Variants in EEPD1 observed in about 807,000 individuals in gnomAD.
EEPD1 encodes the protein endonuclease/exonuclease/phosphatase family domain-containing protein 1.
Under a neutral mutation model 46.3 loss-of-function variants are expected in EEPD1, and 17 were observed. The ratio of observed to expected loss-of-function variants is 0.37; its 90% CI spans 0.25 to 0.55. The LOEUF is 0.55. Ranked by LOEUF, EEPD1 falls within the 20% of genes least tolerant of loss-of-function variation. EEPD1 has a pLI of 0.83. For synonymous variants in EEPD1, 313 were observed against 315.6 expected, an observed-to-expected ratio of 0.99 and a Z score of 0.09; for missense variants, 673 against 745.6, an observed-to-expected ratio of 0.90 and a Z score of 1.13.
At chr7:36,200,362 T>C (rs1235570687) in intron 2 of EEPD1, among the ~76,000 whole-genome samples, 2 of 152,240 alleles carry the variant, frequency 1.3e-5, no homozygotes, top group Non-Finnish European at 2.9e-5. Context: ...ACCACATTTT[T>C]CTTTATTCAA....
intron 2 of EEPD1, among the ~76,000 whole-genome samples, chr7:36,237,907 C>T (rs916465623): frequency 2.0e-5 from 3 of 152,146 alleles, no homozygotes; most frequent in African/African-American, 7.2e-5. Context: ...GCCAAGATCA[C>T]TCCACTGCAT....
chr7:36,240,167 G>A (rs920479701), intron 3 of EEPD1, among the ~76,000 whole-genome samples: 5 of 152,142 alleles, frequency 3.3e-5, no homozygotes, highest in Non-Finnish European at 7.3e-5. Flanking sequence ...TCCGCAGGAG[G>A]CTGAGGCAGG....
At chr7:36,236,846 C>T (rs1786454914) in intron 2 of EEPD1, among the ~76,000 whole-genome samples, 1 of 152,198 alleles carries the variant, frequency 6.6e-6, no homozygotes, top group African/African-American at 2.4e-5. Flanking sequence ...CCAGTCAGCT[C>T]TTTGTAAAAT....
intron 3 of EEPD1, among the ~76,000 whole-genome samples, chr7:36,261,013 G>A (rs1786913626): frequency 6.6e-6 from 1 of 152,148 alleles, no homozygotes. Flanking sequence ...TTTTATATCA[G>A]GGACTTGAGC....
intron 2 of EEPD1, among the ~76,000 whole-genome samples, chr7:36,226,802 T>C (rs145572139): frequency 1.3e-5 from 2 of 152,228 alleles, no homozygotes; most frequent in Non-Finnish European, 2.9e-5. Context: ...ATAATGAAAT[T>C]TGAAACAAGG....
At chr7:36,202,150 C>T (rs528190786) in intron 2 of EEPD1, among the ~76,000 whole-genome samples, 1 of 152,314 alleles carries the variant, frequency 6.6e-6, no homozygotes, top group Admixed American at 6.5e-5. Context: ...CTTGCCTTCT[C>T]ATCGTGTGCC....
At position 36,170,566 on chromosome 7, in the gene EEPD1, CTTTT is replaced by C. The variant is rs58354576; in HGVS notation, c.878+15377_878+15380del. Among the ~76,000 whole-genome samples, 1,107 of 142,090 alleles carry C rather than the reference CTTTT, an allele frequency of 7.8e-3. 13 individuals are homozygous for C. The highest frequency in any genetic ancestry group is 0.024 in the African/African-American group (950 of 38,790). 93.2% of individuals were successfully genotyped at this position (142,090 alleles called of 152,430 possible). ...CTCTTTGGTTTCATGTTAAAAGTGT[CTTTT>C]TTTTTTTTTTTTCAGAGCTCCCCTC... On this transcript the variant is annotated intron_variant, in intron 2 of 7. Coordinates refer to ENST00000242108, the MANE Select transcript of EEPD1 (RefSeq NM_030636.3).
chr7:36,181,764 C>G (rs1785271866), intron 2 of EEPD1, among the ~76,000 whole-genome samples: 1 of 152,178 alleles, frequency 6.6e-6, no homozygotes, highest in Non-Finnish European at 1.5e-5. Context: ...TCAAGGCTCC[C>G]TTTTTCATGG....
At chr7:36,212,603 A>G (rs541453438) in intron 2 of EEPD1, among the ~76,000 whole-genome samples, 1 of 127,696 alleles carries the variant, frequency 7.8e-6, no homozygotes, top group South Asian at 2.5e-4. Context: ...TGGCCAAAGG[A>G]AGTCACATGG....
At chr7:36,249,663 A>G (rs999749332) in intron 3 of EEPD1, among the ~76,000 whole-genome samples, 4 of 152,228 alleles carry the variant, frequency 2.6e-5, no homozygotes, top group African/African-American at 9.6e-5. Context: ...TACTGCGGTT[A>G]CAACTCTGTA....
intron 2 of EEPD1, among the ~76,000 whole-genome samples, chr7:36,167,430 G>A (rs1217689691): frequency 6.6e-6 from 1 of 152,138 alleles, no homozygotes; most frequent in East Asian, 1.9e-4. Context: ...GCTCTGCCAA[G>A]GGGAATGGCT....
At chr7:36,179,417 A>G (rs1336512214) in intron 2 of EEPD1, among the ~76,000 whole-genome samples, 1 of 152,146 alleles carries the variant, frequency 6.6e-6, no homozygotes, top group East Asian at 1.9e-4. Flanking sequence ...GTTGTGATGC[A>G]TTATTTTAAA....
intron 2 of EEPD1, among the ~76,000 whole-genome samples, chr7:36,188,897 G>C (rs930227470): frequency 6.6e-6 from 1 of 152,176 alleles, no homozygotes; most frequent in Non-Finnish European, 1.5e-5. Context: ...TTTAAGTATT[G>C]CTGTGGGTTG....
intron 2 of EEPD1, among the ~76,000 whole-genome samples, chr7:36,224,012 G>A (rs567917475): frequency 2.0e-5 from 3 of 152,224 alleles, no homozygotes; most frequent in Admixed American, 6.5e-5. Flanking sequence ...AAATTTTCCA[G>A]GAATAAAATT....
At chr7:36,158,113 T>A (rs935432056) in intron 2 of EEPD1, among the ~76,000 whole-genome samples, 5 of 152,192 alleles carry the variant, frequency 3.3e-5, no homozygotes, top group Non-Finnish European at 7.3e-5. Flanking sequence ...ACACTGACTT[T>A]TATTAATGAT....
chr7:36,250,409 G>A (rs1223847795), intron 3 of EEPD1, among the ~76,000 whole-genome samples: 1 of 152,142 alleles, frequency 6.6e-6, no homozygotes, highest in Non-Finnish European at 1.5e-5. Context: ...GCATGGAGAT[G>A]GAGCTGCCCT....
intron 4 of EEPD1, 106 bp from the exon 5 acceptor site, chr7:36,284,580 C>G: frequency 7.2e-7 from 1 of 1,388,706 alleles, no homozygotes; most frequent in Non-Finnish European, 9.6e-7. Context: ...ACAGCTTGAG[C>G]CAGAGTAGGG....
intron 2 of EEPD1, among the ~76,000 whole-genome samples, chr7:36,224,298 A>G (rs906390596): frequency 6.6e-6 from 1 of 152,202 alleles, no homozygotes; most frequent in Non-Finnish European, 1.5e-5. Flanking sequence ...CTGGAAGCAG[A>G]GCTCTTTCTC....
intron 2 of EEPD1, among the ~76,000 whole-genome samples, chr7:36,227,905 C>T (rs1273831325): frequency 6.6e-6 from 1 of 152,148 alleles, no homozygotes; most frequent in African/African-American, 2.4e-5. Context: ...TCAGGCTGGT[C>T]TCAAACTCCT....
Sources: gnomAD v4.1 joint callset for allele counts (sites outside exome capture counted in the v4.1 genomes callset) on GRCh38, gnomAD v4.1.1 for gene constraint, MANE v1.5 for transcripts, NCBI Gene and HGNC (gene_info 2026-07-23, HGNC 2026-07-21) for gene names.